The following PCNT variants were observed in gnomAD, a reference collection of about 807,000 sequenced individuals.
The protein encoded by PCNT is pericentrin.
PCNT carries 319 observed loss-of-function variants against 380.4 expected under a neutral mutation model. That is an observed-to-expected ratio of 0.84 (90% CI 0.77 to 0.92). PCNT has a LOEUF of 0.92. Among genes scored for constraint, PCNT ranks in the 40% least tolerant of loss-of-function variants. The pLI is 0.00. For synonymous variants in PCNT, 1,845 were observed against 1,735.2 expected (o/e 1.06, Z -1.57); for missense variants, 4,400 against 4,255.3 (o/e 1.03, Z -0.95).
chr21:46,391,492 C>CTT, intron 21 of PCNT, 116 bp downstream of exon 21: 1 of 821,136 alleles, frequency 1.2e-6, no homozygotes, highest in Non-Finnish European at 1.9e-6. Flanking sequence ...TGTAAACCAG[C>CTT]ACGCAGCTTC....
intron 2 of PCNT, among the ~76,000 whole-genome samples, chr21:46,332,081 A>C (rs926665848): frequency 1.1e-4 from 17 of 152,034 alleles, no homozygotes; most frequent in African/African-American, 4.1e-4. Context: ...AATCACTTGA[A>C]CCCGGGAGGC....
At chr21:46,359,863 T>G (rs538621522) in intron 13 of PCNT, among the ~76,000 whole-genome samples, 1 of 150,038 alleles carries the variant, frequency 6.7e-6, no homozygotes, top group Non-Finnish European at 1.5e-5. Context: ...CGTTTTACCT[T>G]TTTTTTTTTC....
chr21:46,331,714 T>C (rs1207577622), intron 2 of PCNT, among the ~76,000 whole-genome samples: 4 of 151,904 alleles, frequency 2.6e-5, no homozygotes, highest in African/African-American at 9.7e-5. Flanking sequence ...TACAGTGAGC[T>C]ATGGTGGCAC....
rs760006167 is a variant in PCNT at position 46,444,816 on chromosome 21, T to C, written c.9962T>C (p.Leu3321Pro). Residue 3321 changes from leucine (L) to proline (P), a missense_variant, in exon 46 of 47, where the codon CTA becomes CCA. Transcript: ENST00000359568. ...ATCCAGCAAAGATTGGGAGGGGTAC[T>C]ACCAGGTAATGCAAGTCCTCGCCGA... is the stretch of plus-strand genomic sequence containing the variant. ...EVIQQRLGGV[L>P]PDSTSKKSCH... is the part of the protein sequence containing the mutation. 3.7e-6 allele frequency: 6 copies of C among 1,613,020 alleles called. No homozygotes were observed. Among genetic ancestry groups the C allele is most frequent in the Non-Finnish European group, 5.1e-6 (6 of 1,179,104 alleles).
At chr21:46,341,232 T>C (rs1241372055) in intron 3 of PCNT, among the ~76,000 whole-genome samples, 2 of 152,140 alleles carry the variant, frequency 1.3e-5, no homozygotes, top group East Asian at 1.9e-4. Flanking sequence ...TTTGGATCAC[T>C]ATTATTTTGG....
chr21:46,431,464 G>A, intron 37 of PCNT, 65 bp from the exon 38 acceptor site: 1 of 1,612,896 alleles, frequency 6.2e-7, no homozygotes, highest in Non-Finnish European at 8.5e-7. Context: ...AATGTGGACA[G>A]GAAAACCATG....
chr21:46,326,765 G>A (rs1341538458), intron 2 of PCNT, among the ~76,000 whole-genome samples, 176 bp downstream of exon 2: 9 of 152,124 alleles, frequency 5.9e-5, no homozygotes, highest in Non-Finnish European at 1.0e-4. Context: ...TGTAATCCCC[G>A]CACTTTGGGA....
chr21:46,396,972 A>G (rs1045774147), intron 21 of PCNT, among the ~76,000 whole-genome samples: 2 of 152,118 alleles, frequency 1.3e-5, no homozygotes, highest in African/African-American at 4.8e-5. Context: ...CCAGGCTCTC[A>G]GCACCGTCCG....
chr21:46,434,053 C>T (rs1178949137), intron 38 of PCNT, among the ~76,000 whole-genome samples: 2 of 152,200 alleles, frequency 1.3e-5, no homozygotes, highest in African/African-American at 2.4e-5. Flanking sequence ...TGCTGGATTA[C>T]AGGCGTGAGC....
At position 46,386,003 on chromosome 21, in the gene PCNT, C is replaced by T. The variant is rs377749696; in HGVS notation, c.3464+20C>T. The T allele has an allele frequency of 3.7e-5, 60 of 1,613,266 alleles. No homozygotes were observed. Among genetic ancestry groups the T allele is most frequent in the Non-Finnish European group, 4.4e-5 (52 of 1,179,918 alleles). On this transcript the variant is annotated intron_variant, in intron 17 of 46. Coordinates refer to ENST00000359568, the MANE Select transcript of PCNT (RefSeq NM_006031.6). The stretch of plus-strand genomic sequence containing the variant: ...CGAAAGGTCAGTGTGTCCTCGGCAC[C>T]GAGGCTGCCTTGTGGCCGCCAGCAC...
chr21:46,436,469 G>GCC lies in PCNT; in HGVS notation c.8996+321_8996+322insCC, dbSNP rs769557050. On this transcript the variant is annotated intron_variant, in intron 39 of 46. Coordinates refer to ENST00000359568, the MANE Select transcript of PCNT (RefSeq NM_006031.6). The stretch of plus-strand genomic sequence containing the variant: ...CAGGGTCGGGTTTGGAGCCTCCTGT[G>GCC]GCCCCCCCCCCCCCCCCCCGCTGGC... Among the ~76,000 whole-genome samples the GCC allele has an allele frequency of 1.0e-4, 4 of 40,032 alleles. 1 individual carries two copies. Among genetic ancestry groups the GCC allele is most frequent in the Admixed American group, 5.9e-4 (2 of 3,382 alleles). The allele number at this position is 40,032 out of a possible 152,430, so 26.3% of individuals were successfully genotyped here.
intron 21 of PCNT, among the ~76,000 whole-genome samples, chr21:46,396,728 C>G (rs1284394530): frequency 6.6e-6 from 1 of 152,218 alleles, no homozygotes; most frequent in African/African-American, 2.4e-5. Context: ...CTCAGCCTCC[C>G]GAGTAGCTGG....
In PCNT at chr21:46,421,954, C is replaced by A. The variant is rs2087270749; in HGVS notation, c.7025-16C>A. On this transcript the variant is annotated splice_polypyrimidine_tract_variant and intron_variant, in intron 31 of 46. Transcript: ENST00000359568. ...GGAGAGCTGTGGGTGGGACCCTGAC[C>A]CTGTGGTGTTTTTAGGTGACGGCTC... is the stretch of plus-strand genomic sequence containing the variant. 6.2e-7 allele frequency: 1 copy of A among 1,613,602 alleles called. No homozygotes were observed. Among genetic ancestry groups the A allele is most frequent in the Admixed American group, 1.7e-5 (1 of 59,994 alleles).
intron 2 of PCNT, among the ~76,000 whole-genome samples, chr21:46,332,114 C>T (rs546770686): frequency 2.0e-5 from 3 of 152,242 alleles, no homozygotes; most frequent in Admixed American, 6.5e-5. Flanking sequence ...GAGCCGAGAT[C>T]GCGCCATTGC....
intron 3 of PCNT, among the ~76,000 whole-genome samples, chr21:46,343,780 C>A (rs1401307581): frequency 6.6e-6 from 1 of 152,162 alleles, no homozygotes; most frequent in Non-Finnish European, 1.5e-5. Flanking sequence ...TTTTAAATTA[C>A]TGTTTCAGTC....
At chr21:46,332,922 A>G (rs896285913) in intron 2 of PCNT, among the ~76,000 whole-genome samples, 1 of 152,012 alleles carries the variant, frequency 6.6e-6, no homozygotes, top group Non-Finnish European at 1.5e-5. Context: ...CAGCTTTGGA[A>G]CATAATGAAC....
chr21:46,409,966 C>T (rs1023679165), intron 27 of PCNT, among the ~76,000 whole-genome samples: 6 of 152,312 alleles, frequency 3.9e-5, no homozygotes, highest in South Asian at 2.1e-4. Context: ...AGTATTTTAA[C>T]GTGATATATG....
intron 12 of PCNT, among the ~76,000 whole-genome samples, chr21:46,356,216 A>G (rs1250365402): frequency 1.3e-5 from 2 of 152,088 alleles, no homozygotes; most frequent in Non-Finnish European, 2.9e-5. Flanking sequence ...GCTGCCGTCC[A>G]TGGTGGGGGT....
intron 36 of PCNT, 30 bp from the exon 37 acceptor site, chr21:46,430,477 G>T (rs1356780843): frequency 6.5e-7 from 1 of 1,549,408 alleles, no homozygotes; most frequent in Non-Finnish European, 8.7e-7. Flanking sequence ...GGCCCACGTG[G>T]TCAGATTGTT....
Sources: gnomAD v4.1 joint callset for allele counts (sites outside exome capture counted in the v4.1 genomes callset) on GRCh38, gnomAD v4.1.1 for gene constraint, MANE v1.5 for transcripts, NCBI Gene and HGNC (gene_info 2026-07-23, HGNC 2026-07-21) for gene names.